The following DICER1 variants were observed in gnomAD, a reference collection of about 807,000 sequenced individuals.
DICER1 encodes endoribonuclease Dicer.
A neutral mutation model predicts 194.1 loss-of-function variants in DICER1; 43 were observed. The ratio of observed to expected loss-of-function variants is 0.22; its 90% CI spans 0.17 to 0.29. DICER1 has a LOEUF of 0.29. Among genes scored for constraint, DICER1 ranks in the 10% least tolerant of loss-of-function variants. The pLI is 1.00. For synonymous variants in DICER1, 832 were observed against 820.5 expected, an observed-to-expected ratio of 1.01 and a Z score of -0.24; for missense variants, 1,608 against 2,317.0, an observed-to-expected ratio of 0.69 and a Z score of 6.28.
intron 1 of DICER1, among the ~76,000 whole-genome samples, chr14:95,149,820 T>C (rs924395838): frequency 1.4e-4 from 21 of 151,960 alleles, no homozygotes; most frequent in Non-Finnish European, 2.9e-4. Flanking sequence ...AGGTCAAATA[T>C]AAAACTCAAA....
At chr14:95,154,492 A>G (rs551279291) in intron 1 of DICER1, among the ~76,000 whole-genome samples, 1 of 152,386 alleles carries the variant, frequency 6.6e-6, no homozygotes, top group South Asian at 2.1e-4. Context: ...AACAAAATGC[A>G]GTATATTCAT....
At chr14:95,134,904 A>C (rs780596206) in intron 1 of DICER1, among the ~76,000 whole-genome samples, 4 of 152,202 alleles carry the variant, frequency 2.6e-5, no homozygotes, top group Non-Finnish European at 5.9e-5. Flanking sequence ...GTTCTTCACG[A>C]AAAATAATGT....
chr14:95,140,798 T>C (rs1347850263), intron 1 of DICER1: 2 of 152,220 alleles, frequency 1.3e-5, no homozygotes, highest in African/African-American at 2.4e-5. Flanking sequence ...TTAAGATTCC[T>C]GTAAACTGAA....
chr14:95,146,875 CTTAG>C (rs1345921785), intron 1 of DICER1, among the ~76,000 whole-genome samples: 6 of 151,548 alleles, frequency 4.0e-5, no homozygotes, highest in Non-Finnish European at 7.4e-5. Flanking sequence ...ATAATTATGT[CTTAG>C]TTAAAAACTA....
At chr14:95,115,521 AAAG>A (rs969148684) in intron 11 of DICER1, 143 bp downstream of exon 11, 68 of 912,316 alleles carry the variant, frequency 7.5e-5, no homozygotes, top group African/African-American at 4.8e-4. Context: ...AAAAATGAAA[AAAG>A]AAGTAACTTT....
At chr14:95,103,164 T>A (rs141663128) in intron 21 of DICER1, among the ~76,000 whole-genome samples, 182 bp downstream of exon 21, 243 of 152,298 alleles carry the variant, frequency 1.6e-3, no homozygotes, top group Non-Finnish European at 2.7e-3. Flanking sequence ...ACTCATCAAC[T>A]GCCAGGTAGT....
chr14:95,096,915 T>C (rs946634978), intron 22 of DICER1, among the ~76,000 whole-genome samples: 3 of 152,256 alleles, frequency 2.0e-5, no homozygotes, highest in African/African-American at 7.2e-5. Flanking sequence ...AACATGTTCT[T>C]TGAATGTTCG....
At chr14:95,115,507 A>T (rs978719285) in intron 11 of DICER1, among the ~76,000 whole-genome samples, 160 bp downstream of exon 11, 2 of 151,570 alleles carry the variant, frequency 1.3e-5, no homozygotes, top group Admixed American at 6.6e-5. Flanking sequence ...CTTTTGATTT[A>T]AAAAAAAATG....
At chr14:95,154,443 T>C (rs964701169) in intron 1 of DICER1, among the ~76,000 whole-genome samples, 7 of 152,156 alleles carry the variant, frequency 4.6e-5, no homozygotes, top group African/African-American at 7.2e-5. Context: ...AGCCAAAAGA[T>C]AGAAGCTACC....
At chr14:95,153,686 T>C (rs1391722415) in intron 1 of DICER1, among the ~76,000 whole-genome samples, 1 of 152,222 alleles carries the variant, frequency 6.6e-6, no homozygotes, top group Non-Finnish European at 1.5e-5. Flanking sequence ...CCACATTCTA[T>C]ACTACCAACC....
Position 95,133,438 on chromosome 14 carries a change from T to C in DICER1, c.21A>G (p.Gln7=), listed in dbSNP as rs754489130. The C allele has an allele frequency of 3.1e-6, 5 of 1,613,666 alleles. No individual in the cohort carries two copies. Among genetic ancestry groups the C allele is most frequent in the East Asian group, 2.2e-5 (1 of 44,866 alleles). Residue 7 remains glutamine, a synonymous_variant, in exon 2 of 27, where the codon CAA becomes CAG. Coordinates refer to ENST00000343455, the MANE Select transcript of DICER1 (RefSeq NM_177438.3). MKSPAL[Q]PLSMAGLQLM... ...GCTGCAGGCCTGCCATGCTGAGGGG[T>C]TGCAAAGCAGGGCTTTTCATTCATC...
chr14:95,105,866 G>T lies in DICER1; in HGVS notation c.2988-83C>A. 7.1e-7 allele frequency: 1 copy of T among 1,413,920 alleles called. No individual in the cohort carries two copies. The highest frequency in any genetic ancestry group is 1.0e-6 in the Non-Finnish European group (1 of 999,632). The allele number at this position is 1,413,920 out of a possible 1,614,324, so 87.6% of individuals were successfully genotyped here. ...TGGTTCTCCAAAAACCACCTGAAGA[G>T]CTCATTTCAACTACAGCCTCTTGGG... On this transcript the variant is annotated intron_variant, in intron 18 of 26. Transcript: ENST00000343455. The surrounding 1 kb of genome is among the most constrained non-coding windows in gnomAD (Gnocchi z 4.9).
At chr14:95,100,451 G>C (rs540343665) in intron 21 of DICER1, among the ~76,000 whole-genome samples, 2 of 151,906 alleles carry the variant, frequency 1.3e-5, no homozygotes, top group Non-Finnish European at 2.9e-5. Flanking sequence ...GCCACAAACG[G>C]GATTTCAACT....
chr14:95,133,406 G>A lies in DICER1; in HGVS notation c.53C>T (p.Thr18Ile), dbSNP rs2140296198. 1 of 1,614,068 alleles carries A rather than the reference G, an allele frequency of 6.2e-7. No homozygotes were observed. Among genetic ancestry groups the A allele is most frequent in the South Asian group, 1.1e-5 (1 of 91,058 alleles). ...PLSMAGLQLM[T>I]PASSPMGPFF... is the part of the protein sequence containing the mutation. ...AGGACCCATTGGTGAGGAAGCAGGG[G>A]TCATGAGCTGCAGGCCTGCCATGCT... Residue 18 changes from threonine to isoleucine, a missense_variant, in exon 2 of 27, where the codon ACC becomes ATC. Coordinates refer to ENST00000343455, the MANE Select transcript of DICER1 (RefSeq NM_177438.3).
rs1195277322 is a variant in DICER1, at chr14:95,106,234, AAAAC to A, written c.2805-15_2805-12del. On this transcript the variant is annotated splice_polypyrimidine_tract_variant and intron_variant, in intron 17 of 26. Coordinates refer to ENST00000343455, the MANE Select transcript of DICER1 (RefSeq NM_177438.3). The stretch of plus-strand genomic sequence containing the variant: ...TCAAAATTGCGATATCTAAAAAAGA[AAAAC>A]AAAAAAACAATCAGTTGCTTTTTGA... 1.9e-6 allele frequency: 3 copies of A among 1,599,592 alleles called. No homozygotes were observed. The highest frequency in any genetic ancestry group is 3.3e-5 in the Admixed American group (2 of 59,988).
rs1891121442 is a variant in DICER1 at position 95,103,716 on chromosome 14, T to C, written c.3680A>G (p.Asn1227Ser). The C allele has an allele frequency of 1.9e-6, 3 of 1,614,212 alleles. No homozygotes were observed. Among genetic ancestry groups the C allele is most frequent in the African/African-American group, 1.3e-5 (1 of 75,068 alleles). ...YSIQNLYSYE[N>S]QPQPSDECTL... Reference sequence around the variant, plus strand: ...ACATTCATCGCTGGGCTGGGGCTGGTTCTCGTAACTGTATAAATTCTGAAT... The same window carrying C: ...ACATTCATCGCTGGGCTGGGGCTGGCTCTCGTAACTGTATAAATTCTGAAT... Residue 1227 changes from asparagine to serine, a missense_variant, in exon 21 of 27, where the codon AAC becomes AGC. Coordinates refer to ENST00000343455, the MANE Select transcript of DICER1 (RefSeq NM_177438.3).
At chr14:95,155,863 T>C (rs6575499) in intron 1 of DICER1, among the ~76,000 whole-genome samples, 33,437 of 152,160 alleles carry the variant, frequency 0.22, 4,045 homozygotes, top group African/African-American at 0.31. Context: ...AAATGAAGTT[T>C]TGAAATAATT....
At chr14:95,157,724 G>T (rs531601246), upstream of DICER1, 1 of 152,206 alleles carries the variant, frequency 6.6e-6, no homozygotes, top group African/African-American at 2.4e-5. Context: ...CTGGACCTTG[G>T]CGTTGGGCCG....
At chr14:95,093,278 C>T (rs1890009244) in intron 24 of DICER1, among the ~76,000 whole-genome samples, 1 of 152,176 alleles carries the variant, frequency 6.6e-6, no homozygotes, top group South Asian at 2.1e-4. Context: ...TGTTAAGAGA[C>T]TGGAAAGATC....
Sources: allele counts gnomAD v4.1 joint callset (sites outside exome capture counted in the v4.1 genomes callset), GRCh38; gene constraint gnomAD v4.1.1; non-coding constraint Gnocchi (gnomAD v3.1); transcripts MANE v1.5; gene names NCBI Gene and HGNC (gene_info 2026-07-23, HGNC 2026-07-21).